PDE4D: variants seen among roughly 807,000 people sequenced by gnomAD.
The protein encoded by PDE4D is 3',5'-cyclic-AMP phosphodiesterase 4D.
Under a neutral mutation model 87.4 loss-of-function variants are expected in PDE4D, and 24 were observed. That is an observed-to-expected ratio of 0.27 (90% CI 0.20 to 0.39). The LOEUF is 0.39. Among genes scored for constraint, PDE4D ranks in the 10% least tolerant of loss-of-function variants. The pLI, the probability that PDE4D is intolerant of heterozygous loss-of-function variation, is 1.00. For synonymous variants in PDE4D, 384 were observed against 383.2 expected, an observed-to-expected ratio of 1.00 and a Z score of -0.02; for missense variants, 714 against 1,041.0, an observed-to-expected ratio of 0.69 and a Z score of 4.32.
At chr5:60,452,516 G>A (rs919027667) in intron 1 of PDE4D, among the ~76,000 whole-genome samples, 5 of 152,022 alleles carry the variant, frequency 3.3e-5, no homozygotes, top group African/African-American at 1.2e-4. Context: ...CCAACCCAGT[G>A]AAAAGCCCAG....
intron 1 of PDE4D, among the ~76,000 whole-genome samples, chr5:59,627,883 G>A (rs1052738452): frequency 9.9e-5 from 15 of 152,178 alleles, no homozygotes; most frequent in East Asian, 7.7e-4. Flanking sequence ...GAGCCCACAC[G>A]TGACACCTGC....
At chr5:60,435,989 G>A (rs56151644) in intron 1 of PDE4D, among the ~76,000 whole-genome samples, 9,053 of 152,046 alleles carry the variant, frequency 0.06, 375 homozygotes, top group East Asian at 0.14. Flanking sequence ...AGGCTAGTAG[G>A]GAAAAGGAAC....
At chr5:59,395,400 G>A (rs866157824) in intron 1 of PDE4D, among the ~76,000 whole-genome samples, 4 of 152,240 alleles carry the variant, frequency 2.6e-5, no homozygotes, top group African/African-American at 7.2e-5. Context: ...AGAACTGGCA[G>A]ACTGCCTCCT....
chr5:59,149,726 T>TTTTTTTTG (rs1779203966), intron 5 of PDE4D, among the ~76,000 whole-genome samples: 1 of 149,500 alleles, frequency 6.7e-6, no homozygotes, highest in Non-Finnish European at 1.5e-5. Context: ...TTTTTTTTTT[T>TTTTTTTTG]TTTTCGGTCA....
rs1777772532 is a variant in PDE4D at position 60,112,433 on chromosome 5, T to C, written c.42+73124A>G. Among the ~76,000 whole-genome samples the C allele has an allele frequency of 5.3e-5, 8 of 152,230 alleles. No individual in the cohort carries two copies. In the South Asian group the frequency reaches 1.7e-3, roughly 32 times the overall value. On this transcript the variant is annotated intron_variant, in intron 2 of 16. Coordinates refer to the PDE4D transcript ENST00000502484. ...TATTATACAAAATTTATAAAAACAG[T>C]ATGATAAACAACATGACTCACTTCT...
intron 1 of PDE4D, among the ~76,000 whole-genome samples, chr5:59,522,619 A>G (rs1812441208): frequency 6.6e-6 from 1 of 152,240 alleles, no homozygotes; most frequent in Admixed American, 6.5e-5. Flanking sequence ...ATCTTCAACA[A>G]TTCATAATAC....
chr5:59,170,834 T>C (rs1782635808), intron 5 of PDE4D, among the ~76,000 whole-genome samples: 1 of 152,156 alleles, frequency 6.6e-6, no homozygotes, highest in African/African-American at 2.4e-5. Context: ...TTTAACCCTT[T>C]ATGCACATTC....
intron 1 of PDE4D, among the ~76,000 whole-genome samples, chr5:59,409,815 G>C (rs1792342501): frequency 6.6e-6 from 1 of 152,072 alleles, no homozygotes; most frequent in Non-Finnish European, 1.5e-5. Flanking sequence ...GAGGAATAAA[G>C]ACCCTTGGCT....
intron 1 of PDE4D, among the ~76,000 whole-genome samples, chr5:60,365,369 T>C (rs916604213): frequency 6.6e-6 from 1 of 152,206 alleles, no homozygotes; most frequent in African/African-American, 2.4e-5. Context: ...AGCTGCATGT[T>C]TGCCTTTCTG....
chr5:60,496,553 A>C (rs1651972139), intron 1 of PDE4D, among the ~76,000 whole-genome samples: 2 of 152,212 alleles, frequency 1.3e-5, no homozygotes, highest in African/African-American at 4.8e-5. Flanking sequence ...GCATAGGAAC[A>C]CAGCTGTTTG....
At chr5:59,982,100 T>C (rs1761987077) in intron 3 of PDE4D, among the ~76,000 whole-genome samples, 1 of 152,224 alleles carries the variant, frequency 6.6e-6, no homozygotes, top group African/African-American at 2.4e-5. Flanking sequence ...TCTCTCTCTG[T>C]TGGGTAGTTA....
intron 1 of PDE4D, among the ~76,000 whole-genome samples, chr5:59,548,000 C>T (rs1182616342): frequency 6.6e-6 from 1 of 152,140 alleles, no homozygotes; most frequent in Non-Finnish European, 1.5e-5. Flanking sequence ...GCTTTCTTTG[C>T]TACCACATAG....
chr5:59,036,711 TAAA>T (rs765770393), intron 6 of PDE4D, among the ~76,000 whole-genome samples: 11 of 152,192 alleles, frequency 7.2e-5, no homozygotes, highest in Non-Finnish European at 1.3e-4. Context: ...ATAAATAAGT[TAAA>T]GAAGACACGA....
At chr5:60,314,690 T>C (rs781193193) in intron 1 of PDE4D, among the ~76,000 whole-genome samples, 10 of 149,302 alleles carry the variant, frequency 6.7e-5, no homozygotes, top group Non-Finnish European at 1.5e-4. Context: ...CCTGTGTCCA[T>C]GTGTTCTCAT....
At chr5:59,745,046 AT>A (rs1759408357) in intron 1 of PDE4D, among the ~76,000 whole-genome samples, 2 of 152,178 alleles carry the variant, frequency 1.3e-5, no homozygotes, top group African/African-American at 4.8e-5. Flanking sequence ...ACCAAACTGA[AT>A]TTTGCACAGG....
chr5:59,761,677 T>C (rs1170993126), intron 1 of PDE4D, among the ~76,000 whole-genome samples: 2 of 152,070 alleles, frequency 1.3e-5, no homozygotes, highest in Non-Finnish European at 2.9e-5. Context: ...TGGAAGCTCT[T>C]CTGGGGCAAT....
intron 1 of PDE4D, among the ~76,000 whole-genome samples, chr5:60,192,454 G>A (rs932653319): frequency 4.6e-5 from 7 of 152,068 alleles, no homozygotes; most frequent in African/African-American, 1.7e-4. Flanking sequence ...TATGGAAAGT[G>A]CTTTGTATGC....
chr5:60,236,931 C>T (rs926251976), intron 1 of PDE4D, among the ~76,000 whole-genome samples: 2 of 151,892 alleles, frequency 1.3e-5, no homozygotes, highest in Admixed American at 1.3e-4. Context: ...ACTGTAAAAT[C>T]GTAAGTTTAT....
chr5:58,999,540 T>C, intron 6 of PDE4D: 1 of 1,491,530 alleles, frequency 6.7e-7, no homozygotes, highest in South Asian at 1.2e-5. Flanking sequence ...CAGGCATTTT[T>C]GATTGATTAT....
Sources: allele counts gnomAD v4.1 joint callset (sites outside exome capture counted in the v4.1 genomes callset), GRCh38; gene constraint gnomAD v4.1.1; transcripts MANE v1.5; gene names NCBI Gene and HGNC (gene_info 2026-07-23, HGNC 2026-07-21).